ADCY3: variants seen among roughly 807,000 people sequenced by gnomAD.
The protein encoded by ADCY3 is adenylate cyclase 3.
A neutral mutation model predicts 119.4 loss-of-function variants in ADCY3; 70 were observed. That is an observed-to-expected ratio of 0.59 (90% CI 0.48 to 0.72). ADCY3 has a LOEUF of 0.72. Among genes scored for constraint, ADCY3 ranks in the 30% least tolerant of loss-of-function variants. The pLI is 0.00. For synonymous variants in ADCY3, 672 were observed against 621.4 expected (o/e 1.08, Z -1.21); for missense variants, 1,238 against 1,541.6 (o/e 0.80, Z 3.30).
At chr2:24,873,537 G>A (rs1302943324) in intron 2 of ADCY3, among the ~76,000 whole-genome samples, 3 of 152,222 alleles carry the variant, frequency 2.0e-5, no homozygotes, top group Non-Finnish European at 2.9e-5. Flanking sequence ...TCCACAGGCT[G>A]TAGGGACTGC....
At chr2:24,836,886 A>C in intron 9 of ADCY3, 31 bp downstream of exon 9, 4 of 1,575,712 alleles carry the variant, frequency 2.5e-6, no homozygotes, top group Non-Finnish European at 2.6e-6. Flanking sequence ...TCTGGCCCTC[A>C]GTGACCCCCT....
At chr2:24,881,324 C>T (rs967819070) in intron 2 of ADCY3, among the ~76,000 whole-genome samples, 33 of 152,312 alleles carry the variant, frequency 2.2e-4, no homozygotes, top group African/African-American at 7.2e-4. Flanking sequence ...CATGAGCCAC[C>T]GAGTTCTGGG....
chr2:24,827,784 C>G (rs1668830672), intron 14 of ADCY3, 118 bp downstream of exon 14: 3 of 1,503,374 alleles, frequency 2.0e-6, no homozygotes, highest in Non-Finnish European at 2.7e-6. Context: ...CTTGAACAAG[C>G]CTTTGAGGAC....
chr2:24,888,711 C>T (rs1269370296), intron 2 of ADCY3, among the ~76,000 whole-genome samples: 1 of 152,154 alleles, frequency 6.6e-6, no homozygotes, highest in African/African-American at 2.4e-5. Context: ...TTTTATTTTA[C>T]CAAAATGGTG....
chr2:24,881,991 C>T (rs540335156), intron 2 of ADCY3, among the ~76,000 whole-genome samples: 147 of 152,372 alleles, frequency 9.6e-4, no homozygotes, highest in Middle Eastern at 6.8e-3. Context: ...CCTGGAACAA[C>T]GCCTTCTTCC....
At position 24,819,875 on chromosome 2, in the gene ADCY3, C is replaced by CACACATCCACGAACAAATGAAGGCTGAGG. The variant is rs1553329497; in HGVS notation, c.*56_*57insCCTCAGCCTTCATTTGTTCGTGGATGTGT. The CACACATCCACGAACAAATGAAGGCTGAGG allele has an allele frequency of 6.4e-7, 1 of 1,568,544 alleles. No individual in the cohort carries two copies. ...AATCCAGGAAGGTCGGGACTTCCTT[C>CACACATCCACGAACAAATGAAGGCTGAGG]AGTTTCAAAAAATAAATTCTCCCTT... On this transcript the variant is annotated 3_prime_UTR_variant, in exon 22 of 22. Transcript: ENST00000679454.
chr2:24,879,632 CACA>C lies in ADCY3; in HGVS notation c.676-6916_676-6914del, dbSNP rs765480262. Reference sequence around the variant, plus strand: ...CATGTTCATCATTCTATTTGTTTCTCACAACAAGAGGAGGCAGGGCAGAGTTTT... The same window carrying C: ...CATGTTCATCATTCTATTTGTTTCTCACAAGAGGAGGCAGGGCAGAGTTTT... On this transcript the variant is annotated intron_variant, in intron 2 of 21. Coordinates refer to ENST00000679454, the MANE Select transcript of ADCY3 (RefSeq NM_004036.5). 3.3e-5 allele frequency among the ~76,000 whole-genome samples: 5 copies of C among 152,272 alleles called. No individual in the cohort carries two copies. The East Asian group carries it at 9.6e-4, about 29-fold the overall frequency.
intron 2 of ADCY3, among the ~76,000 whole-genome samples, chr2:24,917,829 C>A (rs1480122476): frequency 6.6e-6 from 1 of 152,226 alleles, no homozygotes; most frequent in Non-Finnish European, 1.5e-5. Context: ...GCGCTTTCCC[C>A]CACATCTCCT....
At chr2:24,879,452 C>CAAAAAAAA in intron 2 of ADCY3, among the ~76,000 whole-genome samples, 1 of 66,084 alleles carries the variant, frequency 1.5e-5, no homozygotes, top group Non-Finnish European at 2.9e-5. Context: ...GACTCTGTCT[C>CAAAAAAAA]AAAAAAAAAA....
At chr2:24,873,928 G>C (rs1675335253) in intron 2 of ADCY3, among the ~76,000 whole-genome samples, 1 of 152,200 alleles carries the variant, frequency 6.6e-6, no homozygotes, top group Admixed American at 6.5e-5. Context: ...CTGGCCCTCA[G>C]GGGATAAAAG....
chr2:24,889,005 T>A (rs1267559294), intron 2 of ADCY3, among the ~76,000 whole-genome samples: 1 of 152,200 alleles, frequency 6.6e-6, no homozygotes, highest in African/African-American at 2.4e-5. Context: ...CGAGACTCTG[T>A]CTCAAAAACA....
intron 9 of ADCY3, among the ~76,000 whole-genome samples, chr2:24,836,681 C>T (rs890410514): frequency 2.0e-5 from 3 of 152,264 alleles, no homozygotes; most frequent in East Asian, 1.9e-4. Context: ...CAAAGGCCTC[C>T]GAGCTAAGCA....
At chr2:24,837,184 G>A (rs1670422463) in intron 8 of ADCY3, 139 bp from the exon 9 acceptor site, 1 of 1,008,880 alleles carries the variant, frequency 9.9e-7, no homozygotes, top group Middle Eastern at 2.8e-4. Context: ...GGATTGCAAA[G>A]TGAGGCGTCA....
intron 3 of ADCY3, among the ~76,000 whole-genome samples, chr2:24,869,913 T>C (rs1558477799): frequency 6.6e-6 from 1 of 152,066 alleles, no homozygotes; most frequent in East Asian, 1.9e-4. Flanking sequence ...GTAAGGAGAA[T>C]GTAGGTAAAT....
chr2:24,860,537 T>C (rs1304938666), intron 3 of ADCY3, among the ~76,000 whole-genome samples: 2 of 152,066 alleles, frequency 1.3e-5, no homozygotes, highest in Non-Finnish European at 2.9e-5. Flanking sequence ...ACTACCTCCC[T>C]GAAGGAGACT....
At chr2:24,832,225 G>A (rs115099489) in intron 11 of ADCY3, 5,391 of 162,610 alleles carry the variant, frequency 0.033, 97 homozygotes, top group South Asian at 0.05. Context: ...TGCCGGCCTG[G>A]GAGCGGGCCA....
At chr2:24,820,434 C>A in intron 21 of ADCY3, 1 of 1,322,138 alleles carries the variant, frequency 7.6e-7, no homozygotes, top group South Asian at 2.1e-5. Context: ...TTTCGTGGAG[C>A]TTTTCTGCCA....
chr2:24,861,080 G>A (rs576235535), intron 3 of ADCY3, among the ~76,000 whole-genome samples: 3 of 152,220 alleles, frequency 2.0e-5, no homozygotes, highest in East Asian at 1.9e-4. Flanking sequence ...GTGAAACCCC[G>A]TCTGTACTAG....
intron 3 of ADCY3, among the ~76,000 whole-genome samples, chr2:24,868,465 C>T (rs1558476030): frequency 1.3e-5 from 2 of 151,350 alleles, no homozygotes; most frequent in East Asian, 3.9e-4. Flanking sequence ...GCCTGACCAA[C>T]GTGGTGAAAC....
Sources: allele counts gnomAD v4.1 joint callset (sites outside exome capture counted in the v4.1 genomes callset), GRCh38; gene constraint gnomAD v4.1.1; transcripts MANE v1.5; gene names NCBI Gene and HGNC (gene_info 2026-07-23, HGNC 2026-07-21).